The following RBFOX2 variants were observed in gnomAD, a reference collection of about 807,000 sequenced individuals.
RBFOX2 encodes the protein RNA binding fox-1 homolog 2.
In RBFOX2, 10 loss-of-function variants were observed where a neutral mutation model predicts 49.1. The ratio of observed to expected loss-of-function variants is 0.20; its 90% CI spans 0.13 to 0.35. The LOEUF (loss-of-function observed/expected upper bound fraction) is 0.35. Among genes scored for constraint, RBFOX2 ranks in the 10% least tolerant of loss-of-function variants. The pLI is 1.00. For synonymous variants in RBFOX2, 183 were observed against 187.4 expected (o/e 0.98, Z 0.19); for missense variants, 323 against 486.9 (o/e 0.66, Z 3.17).
Position 35,754,899 on chromosome 22 carries a change from CAAGTAG to C in RBFOX2, c.887+4983_887+4988del, listed in dbSNP as rs536054743. Reference sequence around the variant, plus strand: ...GACCAAATCATAGCTGAGGTTCCTTCAAGTAGTTATTAAATTAAGGCATACCTTACA... The same window carrying C: ...GACCAAATCATAGCTGAGGTTCCTTCTTATTAAATTAAGGCATACCTTACA... On this transcript the variant is annotated intron_variant, in intron 9 of 11. Transcript: ENST00000405409. Among the ~76,000 whole-genome samples the C allele has an allele frequency of 1.1e-4, 16 of 152,282 alleles. No homozygotes were observed. The South Asian group carries it at 3.3e-3, about 32-fold the overall frequency.
chr22:35,779,770 G>A (rs1160632381), intron 3 of RBFOX2, among the ~76,000 whole-genome samples: 1 of 152,176 alleles, frequency 6.6e-6, no homozygotes, highest in Non-Finnish European at 1.5e-5. Flanking sequence ...AAGTAACAGA[G>A]AGTCACAATG....
chr22:35,883,186 T>A (rs1381921532), intron 1 of RBFOX2, among the ~76,000 whole-genome samples: 1 of 152,212 alleles, frequency 6.6e-6, no homozygotes, highest in Non-Finnish European at 1.5e-5. Context: ...GAGCACTTTC[T>A]CAGCCTGCTT....
intron 4 of RBFOX2, among the ~76,000 whole-genome samples, chr22:35,775,987 G>A (rs1175101544): frequency 1.3e-5 from 2 of 152,072 alleles, no homozygotes. Flanking sequence ...TTGGTAAGGA[G>A]TAAGTCCTCA....
At chr22:35,761,846 T>C (rs972783199) in intron 6 of RBFOX2, among the ~76,000 whole-genome samples, 2 of 152,214 alleles carry the variant, frequency 1.3e-5, no homozygotes, top group African/African-American at 4.8e-5. Flanking sequence ...CTCTGAACCA[T>C]GCTGTGATGC....
At chr22:35,902,514 C>T (rs186185946) in intron 1 of RBFOX2, among the ~76,000 whole-genome samples, 14 of 152,260 alleles carry the variant, frequency 9.2e-5, no homozygotes, top group African/African-American at 3.4e-4. Flanking sequence ...GGACACTCAA[C>T]GATGCCAAGC....
Position 35,821,602 on chromosome 22 carries a change from C to CAAAAAAAA in RBFOX2, c.28-11606_28-11599dup, listed in dbSNP as rs1158936385. Among the ~76,000 whole-genome samples, 9 of 36,450 alleles carry CAAAAAAAA rather than the reference C, an allele frequency of 2.5e-4. 1 individual carries two copies. The highest frequency in any genetic ancestry group is 4.3e-4 in the Non-Finnish European group (7 of 16,130). 23.9% of individuals were successfully genotyped at this position (36,450 alleles called of 152,430 possible). A position where few individuals can be genotyped will look rare whatever the true frequency, so the allele number is the denominator to read the frequency against. ...GGGGGACAGAGTGAGACTCCGTCTC[C>CAAAAAAAA]AAAAAAAAAAAAAAAAAAAAAAAAA... On this transcript the variant is annotated intron_variant, in intron 1 of 11. Transcript: ENST00000405409.
chr22:35,795,165 G>T (rs1296396493), intron 2 of RBFOX2, among the ~76,000 whole-genome samples: 1 of 151,796 alleles, frequency 6.6e-6, no homozygotes, highest in Non-Finnish European at 1.5e-5. Context: ...CTAAAGGACA[G>T]ATGTAATTAT....
intron 1 of RBFOX2, among the ~76,000 whole-genome samples, chr22:36,012,208 A>G (rs935824394): frequency 1.3e-5 from 2 of 152,124 alleles, no homozygotes; most frequent in African/African-American, 2.4e-5. Context: ...TGCCAAACCA[A>G]TGAAATTCCT....
At chr22:35,743,930 AT>A (rs71658610) in exon 12 of RBFOX2, 87,708 of 306,706 alleles carry the variant, frequency 0.29, 2,379 homozygotes, top group Middle Eastern at 0.31. Context: ...GAAATGCATT[AT>A]TTTTTTTTTT....
intron 1 of RBFOX2, chr22:35,898,436 T>C: frequency 2.2e-6 from 1 of 462,720 alleles, no homozygotes; most frequent in Admixed American, 3.3e-5. Context: ...TTTTTTTTTT[T>C]TTTTTCTGAG....
chr22:36,023,530 T>C (rs756157041), intron 1 of RBFOX2, among the ~76,000 whole-genome samples: 13 of 152,230 alleles, frequency 8.5e-5, no homozygotes, highest in Non-Finnish European at 1.2e-4. Flanking sequence ...AATTGTTCAC[T>C]AGAAAAGCTG....
At chr22:36,028,109 C>A in intron 1 of RBFOX2, 131 bp downstream of exon 1, 1 of 1,293,550 alleles carries the variant, frequency 7.7e-7, no homozygotes, top group Non-Finnish European at 9.9e-7. Context: ...CCAACCAGGC[C>A]CCGAATGGCC....
chr22:35,902,079 C>CA (rs1056903369), intron 1 of RBFOX2, among the ~76,000 whole-genome samples: 261 of 144,606 alleles, frequency 1.8e-3, no homozygotes, highest in African/African-American at 5.3e-3. Context: ...GACTCTGTCT[C>CA]AAAAAAAAAA....
rs187968050 is a variant in RBFOX2, at chr22:35,969,837, G to A, written c.187-30940C>T. On this transcript the variant is annotated intron_variant, in intron 1 of 13. Transcript: ENST00000438146. ...TATAACTCAGAATGTGGAAGAATAT[G>A]TATCACCTTTAGGCCCAGAACACAA... 1.4e-3 allele frequency among the ~76,000 whole-genome samples: 207 copies of A among 152,334 alleles called. 1 individual carries two copies. The highest frequency in any genetic ancestry group is 4.6e-3 in the African/African-American group (191 of 41,580).
chr22:35,856,333 A>G (rs2042508868), intron 1 of RBFOX2, among the ~76,000 whole-genome samples: 1 of 152,128 alleles, frequency 6.6e-6, no homozygotes, highest in Non-Finnish European at 1.5e-5. Flanking sequence ...CAGTCAATCA[A>G]ATTAACCAGA....
At chr22:35,974,344 C>CGA (rs2057033739) in intron 1 of RBFOX2, among the ~76,000 whole-genome samples, 1 of 152,192 alleles carries the variant, frequency 6.6e-6, no homozygotes, top group African/African-American at 2.4e-5. Context: ...CTTTTTCCTA[C>CGA]ATTCGTTCTC....
At chr22:35,989,189 G>A (rs550375247) in intron 1 of RBFOX2, among the ~76,000 whole-genome samples, 19 of 152,324 alleles carry the variant, frequency 1.2e-4, no homozygotes, top group Admixed American at 1.3e-4. Context: ...TCAGCATATA[G>A]ATGATAAATA....
At chr22:35,888,611 G>T (rs1248450178) in intron 1 of RBFOX2, among the ~76,000 whole-genome samples, 1 of 152,148 alleles carries the variant, frequency 6.6e-6, no homozygotes, top group East Asian at 1.9e-4. Flanking sequence ...AGGGTCTCTG[G>T]CTGCTTCCTT....
intron 1 of RBFOX2, among the ~76,000 whole-genome samples, chr22:35,882,776 T>C (rs894947766): frequency 2.6e-5 from 4 of 152,204 alleles, no homozygotes; most frequent in Non-Finnish European, 5.9e-5. Flanking sequence ...AATCCTCTCC[T>C]GATTGCTTCA....
Sources: allele counts gnomAD v4.1 joint callset (sites outside exome capture counted in the v4.1 genomes callset), GRCh38; gene constraint gnomAD v4.1.1; transcripts MANE v1.5; gene names NCBI Gene and HGNC (gene_info 2026-07-23, HGNC 2026-07-21).